The following VAC14 variants were observed in gnomAD, a reference collection of about 807,000 sequenced individuals.
The protein encoded by VAC14 is protein VAC14 homolog.
Under a neutral mutation model 85.3 loss-of-function variants are expected in VAC14, and 47 were observed. That is an observed-to-expected ratio of 0.55 (90% CI 0.44 to 0.70). The LOEUF is 0.70. Ranked by LOEUF, VAC14 falls within the 30% of genes least tolerant of loss-of-function variation. The pLI is 0.00. For synonymous variants in VAC14, 447 were observed against 430.5 expected (o/e 1.04, Z -0.47); for missense variants, 861 against 1,004.3 (o/e 0.86, Z 1.93).
chr16:70,739,094 G>A (rs558896498), intron 13 of VAC14, among the ~76,000 whole-genome samples: 3 of 152,228 alleles, frequency 2.0e-5, no homozygotes, highest in Non-Finnish European at 4.4e-5. Flanking sequence ...CATGCAGGGA[G>A]CATTTAGCCT....
At chr16:70,740,752 ACT>A (rs922537297) in intron 13 of VAC14, among the ~76,000 whole-genome samples, 7 of 151,796 alleles carry the variant, frequency 4.6e-5, no homozygotes, top group Admixed American at 3.3e-4. Context: ...CCCCCAGGCC[ACT>A]CTCTCCCCGA....
intron 7 of VAC14, among the ~76,000 whole-genome samples, chr16:70,782,479 C>G (rs1166795919): frequency 6.6e-6 from 1 of 152,198 alleles, no homozygotes; most frequent in African/African-American, 2.4e-5. Flanking sequence ...TCCAGCTGCC[C>G]CCATGGTCCC....
rs1274531525 is a variant in VAC14, at chr16:70,783,618, C to G, written c.595-64G>C. ...AGAACCCTGTTTCCTGCTCACCAAG[C>G]CTCTGGGACTGGGCTGTAGGAAGGG... On this transcript the variant is annotated intron_variant, in intron 5 of 18. Transcript: ENST00000261776. 3.8e-5 allele frequency: 59 copies of G among 1,532,712 alleles called. No individual in the cohort carries two copies. In the Middle Eastern group the frequency reaches 5.1e-4, roughly 13 times the overall value. 94.9% of individuals were successfully genotyped at this position (1,532,712 alleles called of 1,614,324 possible).
At chr16:70,703,989 A>G (rs55900782) in intron 14 of VAC14, among the ~76,000 whole-genome samples, 58,369 of 152,126 alleles carry the variant, frequency 0.38, 14,230 homozygotes, top group Non-Finnish European at 0.53. Context: ...AGGTGACTGC[A>G]CCACACCTGC....
chr16:70,739,780 G>A (rs1269632605), intron 13 of VAC14, among the ~76,000 whole-genome samples: 1 of 152,204 alleles, frequency 6.6e-6, no homozygotes, highest in East Asian at 1.9e-4. Flanking sequence ...CTGGCTTTCT[G>A]CTAGAACTTG....
At chr16:70,748,001 C>A (rs1359335726) in intron 12 of VAC14, 2 of 151,898 alleles carry the variant, frequency 1.3e-5, no homozygotes, top group African/African-American at 4.8e-5. Flanking sequence ...AGGCTGTCCT[C>A]GCTCCCGGCC....
chr16:70,790,574 C>T (rs1020117996), intron 1 of VAC14, among the ~76,000 whole-genome samples: 2 of 152,114 alleles, frequency 1.3e-5, no homozygotes, highest in East Asian at 1.9e-4. Context: ...TTGAAGAGTA[C>T]GAGGAAAGTG....
At chr16:70,705,217 C>T (rs1480588997) in intron 14 of VAC14, among the ~76,000 whole-genome samples, 2 of 152,220 alleles carry the variant, frequency 1.3e-5, no homozygotes, top group African/African-American at 4.8e-5. Flanking sequence ...TCTGCCCTCC[C>T]CACCCCTCCT....
Position 70,744,413 on chromosome 16 carries a change from G to A in VAC14, c.1528+10C>T, listed in dbSNP as rs1455468425. On this transcript the variant is annotated intron_variant, in intron 13 of 18. Coordinates refer to ENST00000261776, the MANE Select transcript of VAC14 (RefSeq NM_018052.5). ...GCCCCTGAGGCTAGAACCTTCAGGA[G>A]AAGACTTACCAGAGGTGTTCAGTAG... The A allele has an allele frequency of 2.5e-6, 4 of 1,613,868 alleles. No individual in the cohort carries two copies. Among genetic ancestry groups the A allele is most frequent in the Non-Finnish European group, 3.4e-6 (4 of 1,180,010 alleles).
chr16:70,717,002 A>AG (rs1485684868), intron 14 of VAC14: 1 of 152,264 alleles, frequency 6.6e-6, no homozygotes, highest in Non-Finnish European at 1.5e-5. Flanking sequence ...GGCCCTTGGT[A>AG]GGGCCTACTT....
intron 1 of VAC14, among the ~76,000 whole-genome samples, chr16:70,799,013 C>G (rs2034657887): frequency 6.6e-6 from 1 of 152,212 alleles, no homozygotes; most frequent in Non-Finnish European, 1.5e-5. Context: ...ACAAAATGAA[C>G]TCGATCAAAG....
intron 10 of VAC14, among the ~76,000 whole-genome samples, chr16:70,766,151 CAAAAGAAAAAAA>C (rs1290365750): frequency 2.6e-5 from 3 of 117,354 alleles, no homozygotes; most frequent in Non-Finnish European, 5.0e-5. Context: ...GACCCTGTCC[CAAAAGAAAAAAA>C]AAAAAAAAAG....
chr16:70,740,454 G>T (rs753462950), intron 13 of VAC14, among the ~76,000 whole-genome samples: 12 of 152,192 alleles, frequency 7.9e-5, no homozygotes, highest in Non-Finnish European at 5.9e-5. Flanking sequence ...CAGCATAGAT[G>T]TCCAGGCCCC....
intron 13 of VAC14, among the ~76,000 whole-genome samples, chr16:70,735,344 G>C (rs2054716744): frequency 6.6e-6 from 1 of 152,146 alleles, no homozygotes; most frequent in African/African-American, 2.4e-5. Context: ...ACCAAACTTG[G>C]CCAGAAGCAT....
chr16:70,691,883 C>T (rs1181917347), intron 18 of VAC14: 6 of 985,198 alleles, frequency 6.1e-6, no homozygotes, highest in South Asian at 4.7e-5. Context: ...CTGTGTCCAT[C>T]GCAAAGGCGA....
At chr16:70,743,200 C>T (rs146952273) in intron 13 of VAC14, among the ~76,000 whole-genome samples, 1,684 of 152,194 alleles carry the variant, frequency 0.011, 29 homozygotes, top group African/African-American at 0.039. Flanking sequence ...ATTGTAAACG[C>T]ACCAATCAGC....
intron 10 of VAC14, among the ~76,000 whole-genome samples, chr16:70,767,976 C>T (rs1382663198): frequency 2.0e-5 from 3 of 152,068 alleles, no homozygotes; most frequent in Admixed American, 2.0e-4. Flanking sequence ...CCTCAAGCTC[C>T]GGGGCTCAAC....
In VAC14 at chr16:70,782,742, C is replaced by T. The variant is rs187863822; in HGVS notation, c.811+291G>A. On this transcript the variant is annotated intron_variant, in intron 7 of 18. Transcript: ENST00000261776. ...CCCAAGCTCCAAGCATTTCAAGTCTCAGGGCTAAGGCCAAGTTCACCAGTA... is the reference window on the plus strand; with the variant it reads ...CCCAAGCTCCAAGCATTTCAAGTCTTAGGGCTAAGGCCAAGTTCACCAGTA... Among the ~76,000 whole-genome samples, 527 of 152,356 alleles carry T rather than the reference C, an allele frequency of 3.5e-3. 3 individuals carry two copies. Among genetic ancestry groups the T allele is most frequent in the African/African-American group, 0.012 (490 of 41,580 alleles).
intron 14 of VAC14, among the ~76,000 whole-genome samples, chr16:70,730,919 CT>C (rs2054572272): frequency 6.6e-6 from 1 of 152,172 alleles, no homozygotes; most frequent in Non-Finnish European, 1.5e-5. Flanking sequence ...GTGCCCTGCT[CT>C]AGCTTTCACC....
Sources: allele counts gnomAD v4.1 joint callset (sites outside exome capture counted in the v4.1 genomes callset), GRCh38; gene constraint gnomAD v4.1.1; transcripts MANE v1.5; gene names NCBI Gene and HGNC (gene_info 2026-07-23, HGNC 2026-07-21).